Variants in BACH2 observed in about 807,000 individuals in gnomAD.
BACH2 encodes BACH transcriptional regulator 2.
Under a neutral mutation model 61.8 loss-of-function variants are expected in BACH2, and 5 were observed. The observed-to-expected ratio is 0.08, with a 90% CI of 0.04 to 0.17. BACH2 has a LOEUF of 0.17. Ranked by LOEUF, BACH2 falls within the 10% of genes least tolerant of loss-of-function variation. The pLI is 1.00. For missense variants in BACH2, 824 were observed against 1,091.1 expected (o/e 0.76, Z 3.45); for synonymous variants, 446 against 440.1 (o/e 1.01, Z -0.17).
chr6:90,275,604 T>C (rs970357488), intron 1 of BACH2, among the ~76,000 whole-genome samples: 2 of 152,172 alleles, frequency 1.3e-5, no homozygotes, highest in African/African-American at 4.8e-5. Flanking sequence ...ATCCAGGTAC[T>C]AAGCCTAGTA....
chr6:90,093,445 T>C (rs895378271), intron 4 of BACH2, among the ~76,000 whole-genome samples: 2 of 152,324 alleles, frequency 1.3e-5, no homozygotes, highest in Non-Finnish European at 2.9e-5. Flanking sequence ...CTTTCTGTAA[T>C]GATGGAAATA....
chr6:90,239,311 T>C (rs139632929), intron 3 of BACH2, among the ~76,000 whole-genome samples: 1 of 152,198 alleles, frequency 6.6e-6, no homozygotes, highest in Non-Finnish European at 1.5e-5. Context: ...TCAATCCCCT[T>C]AAAACAATGA....
intron 4 of BACH2, among the ~76,000 whole-genome samples, chr6:90,125,074 G>C (rs543602654): frequency 1.3e-5 from 2 of 151,952 alleles, no homozygotes; most frequent in South Asian, 4.2e-4. Flanking sequence ...AAGTTATTTT[G>C]GTTGTTTAAA....
At chr6:90,149,549 G>A (rs1454536991) in intron 4 of BACH2, among the ~76,000 whole-genome samples, 1 of 152,126 alleles carries the variant, frequency 6.6e-6, no homozygotes, top group East Asian at 1.9e-4. Context: ...CATCTCAGTT[G>A]GTGAGTCAAT....
At chr6:90,293,557 C>T (rs1445471183) in intron 1 of BACH2, among the ~76,000 whole-genome samples, 1 of 152,202 alleles carries the variant, frequency 6.6e-6, no homozygotes, top group African/African-American at 2.4e-5. Context: ...ACAGTGGGCC[C>T]AGAAGTGAAG....
chr6:90,051,353 T>C (rs187963927), intron 5 of BACH2, among the ~76,000 whole-genome samples: 1 of 152,224 alleles, frequency 6.6e-6, no homozygotes. Context: ...ACATCAGTCT[T>C]ACTGTTAGTA....
chr6:89,986,121 G>GC (rs1188017840), intron 6 of BACH2, among the ~76,000 whole-genome samples: 1 of 152,278 alleles, frequency 6.6e-6, no homozygotes, highest in African/African-American at 2.4e-5. Context: ...ACTGAACTCA[G>GC]CCCCCTGCCT....
intron 4 of BACH2, among the ~76,000 whole-genome samples, chr6:90,147,228 C>T (rs1784652638): frequency 6.6e-6 from 1 of 152,142 alleles, no homozygotes; most frequent in African/African-American, 2.4e-5. Context: ...CCCAAACTGC[C>T]AGAGAATGAG....
chr6:90,192,318 TA>T (rs898688994), intron 4 of BACH2, among the ~76,000 whole-genome samples: 1 of 151,376 alleles, frequency 6.6e-6, no homozygotes, highest in Non-Finnish European at 1.5e-5. Flanking sequence ...TTTTTTTTTT[TA>T]AAGAATAAAC....
At chr6:90,295,987 G>A (rs548188562) in intron 1 of BACH2, among the ~76,000 whole-genome samples, 1 of 152,214 alleles carries the variant, frequency 6.6e-6, no homozygotes, top group African/African-American at 2.4e-5. Context: ...GCACGCCGAG[G>A]GTTAAGGAGG....
intron 4 of BACH2, among the ~76,000 whole-genome samples, chr6:90,191,842 T>C (rs1057515312): frequency 3.9e-5 from 6 of 152,370 alleles, no homozygotes; most frequent in Admixed American, 3.9e-4. Flanking sequence ...AACTTCATCC[T>C]AGACCCTTCT....
At chr6:90,133,292 A>C (rs541105973) in intron 4 of BACH2, among the ~76,000 whole-genome samples, 1 of 152,228 alleles carries the variant, frequency 6.6e-6, no homozygotes, top group Non-Finnish European at 1.5e-5. Flanking sequence ...GAAATGCAAG[A>C]GTAAACTCAG....
At chr6:89,968,537 G>C (rs1775169148) in intron 6 of BACH2, among the ~76,000 whole-genome samples, 1 of 152,182 alleles carries the variant, frequency 6.6e-6, no homozygotes, top group Non-Finnish European at 1.5e-5. Context: ...CAGTATTTAA[G>C]AAAAGTTAAA....
At chr6:90,073,207 G>C (rs2127802176) in intron 5 of BACH2, among the ~76,000 whole-genome samples, 1 of 152,340 alleles carries the variant, frequency 6.6e-6, no homozygotes, top group Admixed American at 6.5e-5. Flanking sequence ...CTTCAGGTTA[G>C]AAGGCATGTT....
At chr6:90,284,905 C>G (rs949316248) in intron 1 of BACH2, among the ~76,000 whole-genome samples, 2 of 152,180 alleles carry the variant, frequency 1.3e-5, no homozygotes, top group Non-Finnish European at 2.9e-5. Flanking sequence ...CATCATGTTA[C>G]ACACAGTCAC....
intron 5 of BACH2, among the ~76,000 whole-genome samples, chr6:90,087,411 C>T (rs940462453): frequency 3.3e-5 from 5 of 152,126 alleles, no homozygotes; most frequent in African/African-American, 1.2e-4. Flanking sequence ...AGAAAAAATG[C>T]TGTTTCAAAT....
intron 5 of BACH2, among the ~76,000 whole-genome samples, chr6:90,053,873 T>C (rs957552154): frequency 2.6e-5 from 4 of 152,216 alleles, no homozygotes; most frequent in African/African-American, 7.2e-5. Context: ...ATTCACAGTT[T>C]TACTACGGTA....
chr6:90,021,752 T>TA, intron 5 of BACH2, among the ~76,000 whole-genome samples: 1 of 152,366 alleles, frequency 6.6e-6, no homozygotes, highest in Admixed American at 6.5e-5. Flanking sequence ...TAAAACTTCT[T>TA]ACTTTAAGTG....
chr6:90,070,411 C>G (rs1324046355), intron 5 of BACH2, among the ~76,000 whole-genome samples: 1 of 152,100 alleles, frequency 6.6e-6, no homozygotes, highest in African/African-American at 2.4e-5. Flanking sequence ...GTAGCTGGTT[C>G]CCTTCTTTTC....
Sources: allele counts gnomAD v4.1 joint callset (sites outside exome capture counted in the v4.1 genomes callset), GRCh38; gene constraint gnomAD v4.1.1; transcripts MANE v1.5; gene names NCBI Gene and HGNC (gene_info 2026-07-23, HGNC 2026-07-21).